The following TCF20 variants were observed in gnomAD, a reference collection of about 807,000 sequenced individuals.
The protein encoded by TCF20 is SPRE-binding protein.
A neutral mutation model predicts 148.6 loss-of-function variants in TCF20; 3 were observed. That is an observed-to-expected ratio of 0.02 (90% CI 0.01 to 0.05). The LOEUF (loss-of-function observed/expected upper bound fraction) is 0.05, where lower values mean the gene tolerates loss of function less well. Among genes scored for constraint, TCF20 ranks in the 10% least tolerant of loss-of-function variants. The probability of loss-of-function intolerance (pLI) is 1.00; values close to 1 mark genes in which losing one functional copy is unlikely to be tolerated. For synonymous variants in TCF20, 1,049 were observed against 909.5 expected, an observed-to-expected ratio of 1.15 and a Z score of -2.76; for missense variants, 2,350 against 2,429.3, an observed-to-expected ratio of 0.97 and a Z score of 0.69.
chr22:42,336,785 CCT>C (rs1367847226), intron 1 of TCF20, among the ~76,000 whole-genome samples: 1 of 152,178 alleles, frequency 6.6e-6, no homozygotes, highest in African/African-American at 2.4e-5. Context: ...TGCTCTTCCC[CCT>C]GACCTCCCTC....
chr22:42,195,867 G>A (rs1937582706), intron 2 of TCF20, among the ~76,000 whole-genome samples: 1 of 152,186 alleles, frequency 6.6e-6, no homozygotes, highest in Non-Finnish European at 1.5e-5. Context: ...CCCACTGGAG[G>A]TTACATTGCT....
At chr22:42,190,867 T>C (rs1387519722) in intron 2 of TCF20, among the ~76,000 whole-genome samples, 1 of 152,132 alleles carries the variant, frequency 6.6e-6, no homozygotes, top group East Asian at 1.9e-4. Flanking sequence ...AAAAAGAAAG[T>C]TCGTAATTAT....
chr22:42,255,225 G>A (rs777217171), intron 1 of TCF20, among the ~76,000 whole-genome samples: 4 of 152,098 alleles, frequency 2.6e-5, no homozygotes, highest in Admixed American at 1.3e-4. Context: ...TGGTGCTCAT[G>A]CCTGTAATCC....
intron 2 of TCF20, among the ~76,000 whole-genome samples, chr22:42,205,929 G>A (rs1938356094): frequency 6.6e-6 from 1 of 152,126 alleles, no homozygotes; most frequent in Non-Finnish European, 1.5e-5. Flanking sequence ...CTGTCACCAT[G>A]TCCAGCTAAT....
chr22:42,194,989 T>C (rs750291487), intron 2 of TCF20, among the ~76,000 whole-genome samples: 9 of 151,648 alleles, frequency 5.9e-5, no homozygotes, highest in Non-Finnish European at 1.2e-4. Flanking sequence ...TGCTTTTACC[T>C]GCTAAAAACT....
chr22:42,207,345 TG>T (rs1478966128), intron 2 of TCF20, among the ~76,000 whole-genome samples: 1 of 151,164 alleles, frequency 6.6e-6, no homozygotes, highest in Non-Finnish European at 1.5e-5. Flanking sequence ...GATTTTTCTC[TG>T]GAACAAAAAA....
Position 42,210,342 on chromosome 22 carries a change from T to A in TCF20, c.4964A>T (p.Glu1655Val). 1 of 1,614,228 alleles carries A rather than the reference T, an allele frequency of 6.2e-7. No individual in the cohort carries two copies. Among genetic ancestry groups the A allele is most frequent in the South Asian group, 1.1e-5 (1 of 91,088 alleles). The change falls in exon 2 of 6, where the codon GAA becomes GTA. Residue 1655 changes from glutamate to valine, a missense_variant. Physicochemically the swap from Glu to Val is moderately radical, Grantham distance 121. Transcript: ENST00000677622. This position sits in a 1 kb window ranked among gnomAD's most constrained non-coding sequence, Gnocchi z 4.7. ...GCCCCTCACTAATTTGGTCTGTTCT[T>A]CTTCCTCAGCATTGATGATTGTACA... Reference protein sequence around the residue: ...AVCTIINAEEEEQTKLVRGRK... With the variant: ...AVCTIINAEEVEQTKLVRGRK...
At chr22:42,228,495 G>C (rs1239594187) in intron 1 of TCF20, among the ~76,000 whole-genome samples, 1 of 152,214 alleles carries the variant, frequency 6.6e-6, no homozygotes, top group Non-Finnish European at 1.5e-5. Context: ...GGTAGAGAGA[G>C]GTTGTGTAGC....
rs775862207 is a variant in TCF20, at chr22:42,214,706, T to C, written c.600A>G (p.Gln200=). ...SHQPLPQATG[Q]PASSSSHLQP... ...GTAGATGGGATGAGCTGGATGCTGGTTGGCCAGTGGCCTGTGGCAGGGGCT... is the reference window on the plus strand; with the variant it reads ...GTAGATGGGATGAGCTGGATGCTGGCTGGCCAGTGGCCTGTGGCAGGGGCT... Residue 200 remains glutamine, a synonymous_variant, in exon 2 of 6, where the codon CAA becomes CAG. Coordinates refer to ENST00000677622, the MANE Select transcript of TCF20 (RefSeq NM_001378418.1). 6 of 1,614,056 alleles carry C rather than the reference T, an allele frequency of 3.7e-6. No homozygotes were observed. Among genetic ancestry groups the C allele is most frequent in the East Asian group, 2.2e-5 (1 of 44,892 alleles).
rs1938052777 is a variant in TCF20, at chr22:42,201,873, T to A, written c.5655+7778A>T. On this transcript the variant is annotated intron_variant, in intron 2 of 5. Coordinates refer to ENST00000677622, the MANE Select transcript of TCF20 (RefSeq NM_001378418.1). ...TCAAAACTTTGTCATCTCACTAGAA[T>A]GTTAATGCTTTTACTTAACATGCAA... Among the ~76,000 whole-genome samples the A allele has an allele frequency of 2.6e-5, 4 of 152,338 alleles. No individual in the cohort carries two copies. The South Asian group carries it at 8.3e-4, about 32-fold the overall frequency.
intron 1 of TCF20, among the ~76,000 whole-genome samples, chr22:42,304,070 A>T (rs961771188): frequency 6.6e-6 from 1 of 151,542 alleles, no homozygotes; most frequent in East Asian, 1.9e-4. Flanking sequence ...CAGCCAGCCC[A>T]AAGGTAGCGT....
intron 2 of TCF20, among the ~76,000 whole-genome samples, chr22:42,209,301 G>C (rs1036505961): frequency 2.6e-5 from 4 of 152,180 alleles, no homozygotes; most frequent in African/African-American, 9.7e-5. Flanking sequence ...CAATAGAGGA[G>C]AGAAAGAAAT....
In TCF20 at chr22:42,162,522, T is replaced by G. The variant is rs1935528851; in HGVS notation, c.*45-1164A>C. 2.0e-5 allele frequency among the ~76,000 whole-genome samples: 3 copies of G among 152,168 alleles called. No homozygotes were observed. In the South Asian group the frequency reaches 6.2e-4, roughly 32 times the overall value. On this transcript the variant is annotated intron_variant, in intron 5 of 5. Transcript: ENST00000677622. The stretch of plus-strand genomic sequence containing the variant: ...TGTACCAAAGGTCCCTGTGGAACGC[T>G]TCATGGGCCATCTGATGTGGAAAGG...
chr22:42,225,586 A>T (rs1371750866), intron 1 of TCF20, among the ~76,000 whole-genome samples: 1 of 146,584 alleles, frequency 6.8e-6, no homozygotes, highest in Non-Finnish European at 1.5e-5. Context: ...TGCAGTCCGC[A>T]GTCCGGCCTG....
intron 2 of TCF20, among the ~76,000 whole-genome samples, chr22:42,204,883 C>T (rs1392659392): frequency 6.6e-6 from 1 of 151,946 alleles, no homozygotes; most frequent in Non-Finnish European, 1.5e-5. Flanking sequence ...TAACCTAAAA[C>T]CAGTTAACAT....
intron 1 of TCF20, among the ~76,000 whole-genome samples, chr22:42,252,913 TATTTA>T (rs1241318195): frequency 6.6e-6 from 1 of 152,144 alleles, no homozygotes; most frequent in Non-Finnish European, 1.5e-5. Flanking sequence ...TTTTTTCAAA[TATTTA>T]ATTTAGTAGA....
At chr22:42,316,936 C>A (rs1043929363) in intron 1 of TCF20, among the ~76,000 whole-genome samples, 2 of 152,158 alleles carry the variant, frequency 1.3e-5, no homozygotes, top group Non-Finnish European at 2.9e-5. Context: ...AAGTGCCAGG[C>A]GTCTTTTCCC....
chr22:42,336,689 C>A (rs1928073486), intron 1 of TCF20, among the ~76,000 whole-genome samples: 1 of 152,216 alleles, frequency 6.6e-6, no homozygotes, highest in Non-Finnish European at 1.5e-5. Flanking sequence ...ATCCACCATA[C>A]TCCAGCCACA....
chr22:42,232,079 CCATT>C (rs1458697745), intron 1 of TCF20, among the ~76,000 whole-genome samples: 1 of 152,146 alleles, frequency 6.6e-6, no homozygotes, highest in East Asian at 1.9e-4. Context: ...CCTTCATTCA[CCATT>C]CACTCACTGA....
Sources: allele counts gnomAD v4.1 joint callset (sites outside exome capture counted in the v4.1 genomes callset), GRCh38; gene constraint gnomAD v4.1.1; non-coding constraint Gnocchi (gnomAD v3.1); transcripts MANE v1.5; gene names NCBI Gene and HGNC (gene_info 2026-07-23, HGNC 2026-07-21).